ASIC2: variants seen among roughly 807,000 people sequenced by gnomAD.
ASIC2 encodes the protein acid sensing ion channel subunit 2, also known as acid-sensing ion channel 2.
In ASIC2, 25 loss-of-function variants were observed where a neutral mutation model predicts 57.3. The observed-to-expected ratio is 0.44, with a 90% confidence interval of 0.32 to 0.61. The LOEUF is 0.61. Among genes scored for constraint, ASIC2 ranks in the 20% least tolerant of loss-of-function variants. ASIC2 has a pLI of 0.06. For missense variants in ASIC2, 641 were observed against 738.1 expected, an observed-to-expected ratio of 0.87 and a Z score of 1.52; for synonymous variants, 319 against 307.5, an observed-to-expected ratio of 1.04 and a Z score of -0.39.
intron 1 of ASIC2, among the ~76,000 whole-genome samples, chr17:33,348,173 G>A (rs565883250): frequency 2.0e-5 from 3 of 152,134 alleles, no homozygotes; most frequent in Non-Finnish European, 4.4e-5. Flanking sequence ...AGCATGGATG[G>A]ACCTTCTACG....
At chr17:33,031,652 A>G (rs1431373389) in intron 3 of ASIC2, among the ~76,000 whole-genome samples, 1 of 152,164 alleles carries the variant, frequency 6.6e-6, no homozygotes, top group Non-Finnish European at 1.5e-5. Flanking sequence ...CTATATCTTT[A>G]CTAATTTTTT....
intron 1 of ASIC2, among the ~76,000 whole-genome samples, chr17:33,491,206 G>T (rs1913745682): frequency 1.3e-5 from 2 of 152,156 alleles, no homozygotes; most frequent in Admixed American, 6.5e-5. Context: ...ATCCAGAATA[G>T]ATCTTTTAGT....
intron 2 of ASIC2, among the ~76,000 whole-genome samples, chr17:33,107,968 A>G (rs750899628): frequency 2.6e-5 from 4 of 152,150 alleles, no homozygotes; most frequent in Non-Finnish European, 5.9e-5. Flanking sequence ...GGATATTTGG[A>G]ATAATCTCTG....
intron 1 of ASIC2, among the ~76,000 whole-genome samples, chr17:33,751,240 G>A (rs1241904617): frequency 1.3e-5 from 2 of 152,186 alleles, no homozygotes; most frequent in Non-Finnish European, 2.9e-5. Context: ...ACGGCTCATA[G>A]CTTGCTGCTA....
intron 1 of ASIC2, among the ~76,000 whole-genome samples, chr17:33,409,251 A>C (rs1910573105): frequency 6.6e-6 from 1 of 152,132 alleles, no homozygotes; most frequent in Non-Finnish European, 1.5e-5. Context: ...CCACTCCTGC[A>C]TTTCCTCCAG....
At chr17:33,443,406 ATTTTTTTTTTT>A (rs779597047) in intron 1 of ASIC2, among the ~76,000 whole-genome samples, 4 of 75,262 alleles carry the variant, frequency 5.3e-5, no homozygotes, top group East Asian at 3.7e-4. Context: ...GGAGGGTAAG[ATTTTTTTTTTT>A]TTTTTTTTTT....
intron 3 of ASIC2, among the ~76,000 whole-genome samples, chr17:33,051,863 C>G (rs1456561663): frequency 2.0e-5 from 3 of 152,192 alleles, no homozygotes; most frequent in Non-Finnish European, 4.4e-5. Flanking sequence ...AACCTTGGGT[C>G]AGGGCAGACA....
At chr17:33,258,126 C>A (rs118054125) in intron 1 of ASIC2, among the ~76,000 whole-genome samples, 1 of 152,306 alleles carries the variant, frequency 6.6e-6, no homozygotes, top group East Asian at 1.9e-4. Context: ...GTGTCATTCA[C>A]GTGCATTCAT....
intron 1 of ASIC2, among the ~76,000 whole-genome samples, chr17:33,879,455 C>G (rs1914642325): frequency 6.6e-6 from 1 of 152,156 alleles, no homozygotes. Context: ...TGTTGCAATC[C>G]TAGTCACTGA....
At chr17:33,037,644 G>C (rs1007867791) in intron 3 of ASIC2, among the ~76,000 whole-genome samples, 4 of 152,170 alleles carry the variant, frequency 2.6e-5, no homozygotes, top group African/African-American at 9.7e-5. Flanking sequence ...CTGAAGAACT[G>C]TCTCAGGGAA....
chr17:33,877,957 C>T (rs746401285), intron 1 of ASIC2, among the ~76,000 whole-genome samples: 19 of 152,292 alleles, frequency 1.2e-4, no homozygotes, highest in Middle Eastern at 3.4e-3. Flanking sequence ...CAACAATATC[C>T]GCTGTTCTGC....
intron 1 of ASIC2, among the ~76,000 whole-genome samples, chr17:33,334,783 T>G (rs928647646): frequency 1.3e-5 from 2 of 152,212 alleles, no homozygotes; most frequent in Non-Finnish European, 2.9e-5. Context: ...AAGGGTCCTG[T>G]GTATTCCACA....
chr17:34,126,396 T>C (rs1911781587), intron 1 of ASIC2, among the ~76,000 whole-genome samples: 1 of 152,096 alleles, frequency 6.6e-6, no homozygotes, highest in South Asian at 2.1e-4. Flanking sequence ...ACGGAATAAA[T>C]AAAGCACCCC....
At chr17:33,324,629 G>T (rs528325505) in intron 1 of ASIC2, among the ~76,000 whole-genome samples, 2 of 152,088 alleles carry the variant, frequency 1.3e-5, no homozygotes, top group East Asian at 1.9e-4. Context: ...CTTCCACTGG[G>T]ATATCATTGC....
intron 1 of ASIC2, among the ~76,000 whole-genome samples, chr17:33,196,277 C>T (rs922179678): frequency 6.6e-6 from 1 of 151,978 alleles, no homozygotes; most frequent in African/African-American, 2.4e-5. Context: ...AAAACTGTGC[C>T]CTTTCCACCT....
At chr17:33,477,815 A>G (rs982307038) in intron 1 of ASIC2, among the ~76,000 whole-genome samples, 12 of 152,208 alleles carry the variant, frequency 7.9e-5, no homozygotes, top group African/African-American at 2.9e-4. Context: ...AGGATGAGTT[A>G]TAGTCAGCCA....
chr17:33,897,275 T>C (rs1202167396), intron 1 of ASIC2, among the ~76,000 whole-genome samples: 1 of 152,230 alleles, frequency 6.6e-6, no homozygotes, highest in Non-Finnish European at 1.5e-5. Context: ...GCACAGCATC[T>C]ATCAAATGTC....
Position 34,151,715 on chromosome 17 carries a change from T to C in ASIC2, c.555+4263A>G, listed in dbSNP as rs1016767286. ...TCCAAAGCTGTTGGTGAAGTTATAG[T>C]ATGGAATAGTGAGCAAACCACTGGA... On this transcript the variant is annotated intron_variant, in intron 1 of 9. Coordinates refer to the ASIC2 transcript ENST00000359872. Among the ~76,000 whole-genome samples, 7 of 152,254 alleles carry C rather than the reference T, an allele frequency of 4.6e-5. No homozygotes were observed. In the East Asian group the frequency reaches 1.2e-3, roughly 25 times the overall value.
intron 1 of ASIC2, among the ~76,000 whole-genome samples, chr17:33,773,020 C>T (rs189760368): frequency 2.0e-4 from 31 of 152,292 alleles, no homozygotes; most frequent in African/African-American, 6.0e-4. Context: ...TTTGTGCCTA[C>T]TGCAGATGAA....
Sources: allele counts gnomAD v4.1 joint callset (sites outside exome capture counted in the v4.1 genomes callset), GRCh38; gene constraint gnomAD v4.1.1; transcripts MANE v1.5; gene names NCBI Gene and HGNC (gene_info 2026-07-23, HGNC 2026-07-21).